Variants in POM121 observed in about 807,000 individuals in gnomAD.
POM121 encodes the protein nuclear envelope pore membrane protein POM 121.
Under a neutral mutation model 81.3 loss-of-function variants are expected in POM121, and 32 were observed. The ratio of observed to expected loss-of-function variants is 0.39; its 90% CI spans 0.30 to 0.53. The LOEUF (loss-of-function observed/expected upper bound fraction) is 0.53, where lower values mean the gene tolerates loss of function less well. Among genes scored for constraint, POM121 ranks in the 20% least tolerant of loss-of-function variants. The probability of loss-of-function intolerance (pLI) is 0.66; values close to 1 mark genes in which losing one functional copy is unlikely to be tolerated. For missense variants in POM121, 1,138 were observed against 1,614.6 expected (o/e 0.70, Z 5.06); for synonymous variants, 514 against 694.2 (o/e 0.74, Z 4.08).
At chr7:72,922,644 G>C (rs1391379011), upstream of POM121, among the ~76,000 whole-genome samples, 2 of 151,848 alleles carry the variant, frequency 1.3e-5, no homozygotes, top group African/African-American at 2.4e-5. Flanking sequence ...CGCCCACCTT[G>C]GCCTCCAAAT....
downstream of POM121, chr7:72,948,911 G>T: frequency 6.2e-7 from 1 of 1,612,436 alleles, no homozygotes; most frequent in Non-Finnish European, 8.5e-7. Flanking sequence ...CCCGGGTTCT[G>T]CTGCAGCGCA....
upstream of POM121, among the ~76,000 whole-genome samples, chr7:72,924,006 C>T (rs578017982): frequency 1.1e-3 from 161 of 150,736 alleles, no homozygotes; most frequent in Non-Finnish European, 1.7e-3. Context: ...AGTGCAGTGG[C>T]GCAATCTCGG....
chr7:72,942,161 C>T lies in POM121; in HGVS notation c.2168C>T (p.Ser723Leu). Residue 723 changes from serine to leucine, a missense_variant, in exon 11 of 13, where the codon TCA becomes TTA. By Grantham distance (145) the Ser-to-Leu change is moderately radical. Coordinates refer to ENST00000434423, the MANE Select transcript of POM121 (RefSeq NM_001387691.1). ...PSSPAAPAASSAPPMFKPIFT... is the reference protein window; with the variant it reads ...PSSPAAPAASLAPPMFKPIFT... Reference sequence around the variant, plus strand: ...AGCCCTGCCGCCCCTGCTGCATCTTCAGCACCTCCCATGTTCAAGCCCATT... The same window carrying T: ...AGCCCTGCCGCCCCTGCTGCATCTTTAGCACCTCCCATGTTCAAGCCCATT... 1.2e-6 allele frequency: 2 copies of T among 1,608,592 alleles called. No individual in the cohort carries two copies. The highest frequency in any genetic ancestry group is 8.5e-7 in the Non-Finnish European group (1 of 1,179,800).
At chr7:72,929,675 G>A (rs1795824433) in intron 4 of POM121, among the ~76,000 whole-genome samples, 1 of 152,072 alleles carries the variant, frequency 6.6e-6, no homozygotes, top group Non-Finnish European at 1.5e-5. Flanking sequence ...CCTGTTCCCA[G>A]GCATCCACTG....
At chr7:72,927,042 T>TA in intron 3 of POM121, 79 bp downstream of exon 3, 1 of 1,605,596 alleles carries the variant, frequency 6.2e-7, no homozygotes, top group Non-Finnish European at 8.5e-7. Context: ...CCCATATAGA[T>TA]ACAGAGGCCA....
At chr7:72,930,137 G>A (rs1472774579) in intron 5 of POM121, 26 bp downstream of exon 5, 1 of 1,580,998 alleles carries the variant, frequency 6.3e-7, no homozygotes, top group Non-Finnish European at 8.6e-7. Flanking sequence ...TTTTAATGTG[G>A]GGGACATGAA....
chr7:72,949,743 C>G (rs1414198146), downstream of POM121: 4 of 802,012 alleles, frequency 5.0e-6, no homozygotes, highest in African/African-American at 5.1e-5. Flanking sequence ...TACTTTGGTG[C>G]AGCAGGAAAG....
upstream of POM121, chr7:72,925,065 A>C (rs1172865401): frequency 2.9e-6 from 4 of 1,355,992 alleles, no homozygotes; most frequent in East Asian, 6.1e-5. Context: ...CGATGACGCG[A>C]CGCGCGGCGC....
chr7:72,938,988 C>A (rs1796798895), intron 6 of POM121, among the ~76,000 whole-genome samples: 1 of 152,218 alleles, frequency 6.6e-6, no homozygotes. Flanking sequence ...CCTTCAGGTT[C>A]TTGACTCGAG....
chr7:72,916,934 TC>T (rs1400299841), intron 4 of POM121, among the ~76,000 whole-genome samples: 5 of 152,224 alleles, frequency 3.3e-5, no homozygotes, highest in African/African-American at 1.2e-4. Context: ...CGTCTGGGCT[TC>T]CTAAGGGCTG....
intron 5 of POM121, among the ~76,000 whole-genome samples, chr7:72,933,203 A>C (rs1796192105): frequency 6.6e-6 from 1 of 152,038 alleles, no homozygotes; most frequent in African/African-American, 2.4e-5. Flanking sequence ...AATACAAAAA[A>C]TTTAGCCAGG....
chr7:72,886,038 C>T (rs1177976741), intron 1 of POM121, among the ~76,000 whole-genome samples: 3 of 152,158 alleles, frequency 2.0e-5, no homozygotes, highest in African/African-American at 7.2e-5. Context: ...ATAAGAGAAG[C>T]TTACAATAGG....
chr7:72,898,510 GAGTC>G (rs1165166438), intron 3 of POM121, among the ~76,000 whole-genome samples: 3 of 152,046 alleles, frequency 2.0e-5, no homozygotes, highest in African/African-American at 4.8e-5. Flanking sequence ...AAAAATGCTG[GAGTC>G]AGTCAGGCGT....
At chr7:72,913,567 G>A (rs1794009489) in intron 3 of POM121, among the ~76,000 whole-genome samples, 1 of 152,152 alleles carries the variant, frequency 6.6e-6, no homozygotes, top group Non-Finnish European at 1.5e-5. Context: ...ACCGCTGACT[G>A]GAGGCTGCTC....
At chr7:72,928,350 T>C (rs1202659654) in intron 3 of POM121, 35 bp from the exon 4 acceptor site, 36 of 1,613,504 alleles carry the variant, frequency 2.2e-5, no homozygotes, top group Non-Finnish European at 2.9e-5. Flanking sequence ...AAAAAAGTCA[T>C]GTCATTTCAT....
Position 72,946,025 on chromosome 7 carries a change from T to C in POM121, c.3653-112T>C, listed in dbSNP as rs184749271. 513 of 1,482,584 alleles carry C rather than the reference T, an allele frequency of 3.5e-4. 2 individuals carry two copies. In the Middle Eastern group the frequency reaches 3.5e-3, roughly 10 times the overall value. 91.8% of individuals were successfully genotyped at this position (1,482,584 alleles called of 1,614,324 possible). On this transcript the variant is annotated intron_variant, in intron 12 of 12. Coordinates refer to ENST00000434423, the MANE Select transcript of POM121 (RefSeq NM_001387691.1). ...GTTTCTGATGCAGCGGGGAAAGCCC[T>C]ATTGAGGCACCCTGTGTTTTATTAC... is the stretch of plus-strand genomic sequence containing the variant.
At chr7:72,898,520 G>C (rs1792198202) in intron 3 of POM121, among the ~76,000 whole-genome samples, 1 of 152,152 alleles carries the variant, frequency 6.6e-6, no homozygotes. Context: ...GAGTCAGTCA[G>C]GCGTGTTGGC....
intron 3 of POM121, among the ~76,000 whole-genome samples, chr7:72,907,441 T>C (rs1401540962): frequency 6.6e-6 from 1 of 152,226 alleles, no homozygotes; most frequent in Non-Finnish European, 1.5e-5. Flanking sequence ...TTATTGCTTT[T>C]TTAAATTTCT....
In POM121 at chr7:72,945,599, C is replaced by G. The variant is rs138959922; in HGVS notation, c.3543C>G (p.Pro1181=). ...SKPVFGGTAT[P]TFGLNTPAPG... is the part of the protein sequence containing the mutation. ...TCTTCATTCCAGGCACCGCCACCCC[C>G]ACCTTTGGTCTGAACACCCCTGCGC... Residue 1181 remains proline (P), a synonymous_variant, in exon 12 of 13, where the codon CCC becomes CCG. Coordinates refer to ENST00000434423, the MANE Select transcript of POM121 (RefSeq NM_001387691.1). 4.3e-6 allele frequency: 7 copies of G among 1,613,268 alleles called. No individual in the cohort carries two copies. The Admixed American group carries it at 1.0e-4, about 23-fold the overall frequency.
Sources: allele counts gnomAD v4.1 joint callset (sites outside exome capture counted in the v4.1 genomes callset), GRCh38; gene constraint gnomAD v4.1.1; transcripts MANE v1.5; gene names NCBI Gene and HGNC (gene_info 2026-07-23, HGNC 2026-07-21).